The following NRXN3 variants were observed in gnomAD, a reference collection of about 807,000 sequenced individuals.
NRXN3 encodes the protein neurexin 3.
NRXN3 carries 32 observed loss-of-function variants against 137.6 expected under a neutral mutation model. The ratio of observed to expected loss-of-function variants is 0.23; its 90% CI spans 0.18 to 0.31. The LOEUF (loss-of-function observed/expected upper bound fraction) is 0.31, where lower values mean the gene tolerates loss of function less well. Ranked by LOEUF, NRXN3 falls within the 10% of genes least tolerant of loss-of-function variation. The pLI is 1.00. For missense variants in NRXN3, 1,574 were observed against 2,062.5 expected, an observed-to-expected ratio of 0.76 and a Z score of 4.59; for synonymous variants, 798 against 784.5, an observed-to-expected ratio of 1.02 and a Z score of -0.29.
At chr14:78,539,201 C>T (rs1309653745) in intron 4 of NRXN3, among the ~76,000 whole-genome samples, 2 of 152,198 alleles carry the variant, frequency 1.3e-5, no homozygotes, top group Admixed American at 1.3e-4. Flanking sequence ...AGCAGCTCCT[C>T]TTTGTACCTC....
Position 79,226,376 on chromosome 14 carries a change from C to G in NRXN3, c.3262+238235C>G, listed in dbSNP as rs536290010. 3.9e-5 allele frequency among the ~76,000 whole-genome samples: 6 copies of G among 152,260 alleles called. No homozygotes were observed. The East Asian group carries it at 1.2e-3, about 29-fold the overall frequency. Reference sequence around the variant, plus strand: ...TTTGATATAAGAACATCAGACATATCTTTGATAGGCAATAAATTACTTTAT... The same window carrying G: ...TTTGATATAAGAACATCAGACATATGTTTGATAGGCAATAAATTACTTTAT... On this transcript the variant is annotated intron_variant, in intron 15 of 20. Coordinates refer to ENST00000335750, the MANE Select transcript of NRXN3 (RefSeq NM_001330195.2).
intron 2 of NRXN3, among the ~76,000 whole-genome samples, chr14:78,265,157 GTCTTT>G (rs1426110963): frequency 1.3e-5 from 2 of 152,156 alleles, no homozygotes; most frequent in African/African-American, 4.8e-5. Context: ...TTGGCACTGA[GTCTTT>G]TCTTTATTGG....
intron 4 of NRXN3, among the ~76,000 whole-genome samples, chr14:78,621,610 A>C (rs1211208498): frequency 2.0e-5 from 3 of 152,140 alleles, no homozygotes; most frequent in Non-Finnish European, 4.4e-5. Flanking sequence ...AGCATTTGTT[A>C]ATTTTTTATT....
chr14:79,487,273 C>T (rs752738291), intron 16 of NRXN3, among the ~76,000 whole-genome samples: 5 of 152,088 alleles, frequency 3.3e-5, no homozygotes, highest in African/African-American at 4.8e-5. Context: ...TCTAATTCTT[C>T]CTAAAAGCTT....
At chr14:79,513,716 G>A (rs150707484) in intron 16 of NRXN3, among the ~76,000 whole-genome samples, 151 of 152,296 alleles carry the variant, frequency 9.9e-4, no homozygotes, top group Admixed American at 1.7e-3. Flanking sequence ...GAGCAAGGAT[G>A]TGAATCTGTA....
intron 16 of NRXN3, among the ~76,000 whole-genome samples, chr14:79,501,613 G>T (rs963871787): frequency 1.3e-5 from 2 of 152,132 alleles, no homozygotes; most frequent in African/African-American, 4.8e-5. Flanking sequence ...ACTTGCCAAA[G>T]TCAAATAGTC....
At chr14:78,527,539 G>C (rs1409933548) in intron 4 of NRXN3, among the ~76,000 whole-genome samples, 1 of 152,114 alleles carries the variant, frequency 6.6e-6, no homozygotes, top group Non-Finnish European at 1.5e-5. Flanking sequence ...TTGAGATTTG[G>C]GTGGGGACAC....
chr14:79,170,475 T>G (rs28427027), intron 15 of NRXN3, among the ~76,000 whole-genome samples: 6,785 of 152,102 alleles, frequency 0.045, 542 homozygotes, highest in African/African-American at 0.16. Context: ...TAAAGAGATA[T>G]CTGGAAACTG....
intron 6 of NRXN3, among the ~76,000 whole-genome samples, chr14:78,679,226 C>T (rs2098046103): frequency 6.6e-6 from 1 of 152,190 alleles, no homozygotes; most frequent in Non-Finnish European, 1.5e-5. Context: ...AAATCCTTAT[C>T]TTCTCTCTAG....
In NRXN3 at chr14:79,376,283, CA is replaced by C. The variant is rs534096235; in HGVS notation, c.3263-90933del. On this transcript the variant is annotated intron_variant, in intron 15 of 20. Transcript: ENST00000335750. Reference sequence around the variant, plus strand: ...ATATATATACACATACATATGACTCCAAAAACAATTCCTCTACAAATTGTGT... The same window carrying C: ...ATATATATACACATACATATGACTCCAAAACAATTCCTCTACAAATTGTGT... 3.6e-4 allele frequency among the ~76,000 whole-genome samples: 43 copies of C among 119,988 alleles called. 1 individual carries two copies. Among genetic ancestry groups the C allele is most frequent in the African/African-American group, 1.2e-3 (37 of 31,922 alleles). 78.7% of individuals were successfully genotyped at this position (119,988 alleles called of 152,430 possible). A position where few individuals can be genotyped will look rare whatever the true frequency, so the allele number is the denominator to read the frequency against.
chr14:78,667,804 A>G (rs965264440), intron 6 of NRXN3, among the ~76,000 whole-genome samples: 1 of 151,578 alleles, frequency 6.6e-6, no homozygotes, highest in African/African-American at 2.4e-5. Context: ...TTTTTCTGAG[A>G]TGAAGTTTTG....
intron 4 of NRXN3, among the ~76,000 whole-genome samples, chr14:78,488,060 A>G (rs1009984207): frequency 6.6e-6 from 1 of 152,102 alleles, no homozygotes; most frequent in African/African-American, 2.4e-5. Flanking sequence ...GTTTCTCCAA[A>G]GGCCATTCTC....
intron 10 of NRXN3, among the ~76,000 whole-genome samples, chr14:78,861,205 AGTT>A (rs1162581356): frequency 6.6e-6 from 1 of 152,162 alleles, no homozygotes; most frequent in Non-Finnish European, 1.5e-5. Context: ...AACTTTTACA[AGTT>A]GTTTTACAGT....
chr14:79,489,571 A>G (rs1338296959), intron 16 of NRXN3, among the ~76,000 whole-genome samples: 1 of 151,822 alleles, frequency 6.6e-6, no homozygotes, highest in Non-Finnish European at 1.5e-5. Context: ...AGCATGAAGG[A>G]CCTCCTTTCA....
At chr14:78,182,923 G>A (rs2059937511) in intron 1 of NRXN3, among the ~76,000 whole-genome samples, 2 of 152,190 alleles carry the variant, frequency 1.3e-5, no homozygotes, top group Admixed American at 1.3e-4. Flanking sequence ...CTGGAGCCAG[G>A]GCCTCTTGTC....
chr14:78,535,548 A>C (rs1171185811), intron 4 of NRXN3, among the ~76,000 whole-genome samples: 7 of 152,176 alleles, frequency 4.6e-5, no homozygotes, highest in Non-Finnish European at 1.0e-4. Flanking sequence ...TGTGACACTT[A>C]ATTGGATAGT....
intron 11 of NRXN3, among the ~76,000 whole-genome samples, chr14:78,960,423 G>T (rs1037586615): frequency 6.6e-6 from 1 of 152,004 alleles, no homozygotes; most frequent in African/African-American, 2.4e-5. Context: ...GTTCTTTAAG[G>T]CCCCCCTAGT....
chr14:79,718,153 G>T (rs2098829990), intron 19 of NRXN3, among the ~76,000 whole-genome samples: 2 of 152,184 alleles, frequency 1.3e-5, no homozygotes, highest in South Asian at 4.1e-4. Context: ...TAGTTTAGGG[G>T]AAGTTACTCT....
At chr14:79,227,810 CTCCCT>C (rs2071320887) in intron 15 of NRXN3, among the ~76,000 whole-genome samples, 1 of 141,254 alleles carries the variant, frequency 7.1e-6, no homozygotes, top group African/African-American at 2.7e-5. Context: ...CCCTTCCTCC[CTCCCT>C]TCCTCCCTTC....
Sources: allele counts gnomAD v4.1 joint callset (sites outside exome capture counted in the v4.1 genomes callset), GRCh38; gene constraint gnomAD v4.1.1; transcripts MANE v1.5; gene names NCBI Gene and HGNC (gene_info 2026-07-23, HGNC 2026-07-21).